The following SMG6 variants were observed in gnomAD, a reference collection of about 807,000 sequenced individuals.
SMG6 encodes the protein SMG6 nonsense mediated mRNA decay factor.
Under a neutral mutation model 142.2 loss-of-function variants are expected in SMG6, and 66 were observed. The ratio of observed to expected loss-of-function variants is 0.46; its 90% CI spans 0.38 to 0.57. The LOEUF is 0.57. Ranked by LOEUF, SMG6 falls within the 20% of genes least tolerant of loss-of-function variation. SMG6 has a pLI of 0.00. For missense variants in SMG6, 1,793 were observed against 1,832.0 expected (o/e 0.98, Z 0.39); for synonymous variants, 779 against 702.4 (o/e 1.11, Z -1.72).
intron 9 of SMG6, among the ~76,000 whole-genome samples, chr17:2,240,959 T>C (rs2073786938): frequency 6.6e-6 from 1 of 152,222 alleles, no homozygotes; most frequent in Non-Finnish European, 1.5e-5. Flanking sequence ...GGCTCATTGC[T>C]TTCCTAGTCT....
intron 13 of SMG6, among the ~76,000 whole-genome samples, chr17:2,098,795 T>A (rs985266530): frequency 1.3e-5 from 2 of 151,942 alleles, no homozygotes; most frequent in African/African-American, 2.4e-5. Context: ...CATGTCCAAC[T>A]AATTTTTGTA....
chr17:2,124,571 G>C (rs1474683747), intron 13 of SMG6, among the ~76,000 whole-genome samples: 2 of 152,094 alleles, frequency 1.3e-5, no homozygotes, highest in African/African-American at 4.8e-5. Context: ...CTTCTTCCTG[G>C]AGAGCTGTGT....
At chr17:2,211,684 G>C (rs1391057007) in intron 10 of SMG6, among the ~76,000 whole-genome samples, 1 of 126,278 alleles carries the variant, frequency 7.9e-6, no homozygotes, top group Non-Finnish European at 1.7e-5. Flanking sequence ...AAAAAAAAAA[G>C]GGCGTTCTTT....
intron 10 of SMG6, among the ~76,000 whole-genome samples, chr17:2,204,698 T>TC (rs1305629139): frequency 6.6e-6 from 1 of 152,198 alleles, no homozygotes; most frequent in Non-Finnish European, 1.5e-5. Context: ...GCATGGTGGC[T>TC]CACGCCTATA....
At chr17:2,166,719 A>G (rs546357466) in intron 13 of SMG6, among the ~76,000 whole-genome samples, 3 of 152,320 alleles carry the variant, frequency 2.0e-5, no homozygotes, top group Admixed American at 6.5e-5. Flanking sequence ...TTGACTTCCT[A>G]AAGTGCTGGG....
chr17:2,063,644 G>A (rs981040677), intron 18 of SMG6, among the ~76,000 whole-genome samples: 2 of 152,254 alleles, frequency 1.3e-5, no homozygotes, highest in African/African-American at 4.8e-5. Context: ...TTTCTCTCAG[G>A]AGGTACCCCT....
rs757700205 is a variant in SMG6 at position 2,188,316 on chromosome 17, C to G, written c.2986+83G>C. ...AATGGAGACTACAGGGAGAAGACACCGAGAAAACAGCATGGCACTGTGAGG... is the reference window on the plus strand; with the variant it reads ...AATGGAGACTACAGGGAGAAGACACGGAGAAAACAGCATGGCACTGTGAGG... On this transcript the variant is annotated intron_variant, in intron 11 of 18. Transcript: ENST00000263073. The G allele has an allele frequency of 1.4e-5, 16 of 1,131,568 alleles. No homozygotes were observed. The Admixed American group carries it at 3.0e-4, about 21-fold the overall frequency. The allele number at this position is 1,131,568 out of a possible 1,614,324, so 70.1% of individuals were successfully genotyped here.
intron 13 of SMG6, among the ~76,000 whole-genome samples, chr17:2,128,732 G>A (rs1285413679): frequency 6.7e-6 from 1 of 150,220 alleles, no homozygotes; most frequent in Non-Finnish European, 1.5e-5. Context: ...ACTGAGACAG[G>A]AGAATCACTT....
chr17:2,172,850 C>T lies in SMG6; in HGVS notation c.3165G>A (p.Val1055=). 1.2e-6 allele frequency: 2 copies of T among 1,614,094 alleles called. No individual in the cohort carries two copies. Among genetic ancestry groups the T allele is most frequent in the Non-Finnish European group, 1.7e-6 (2 of 1,179,994 alleles). Residue 1055 remains valine (V), a synonymous_variant, in exon 13 of 19, where the codon GTG becomes GTA. Transcript: ENST00000263073. ...AATCAGCCAGCGTCGACCATACATCCACAGCAACACTGTGAGAAATAAGGT... is the reference window on the plus strand; with the variant it reads ...AATCAGCCAGCGTCGACCATACATCTACAGCAACACTGTGAGAAATAAGGT... ...TSLDLPSHVA[V]DVWSTLADFC...
At chr17:2,148,187 T>A (rs964779797) in intron 13 of SMG6, among the ~76,000 whole-genome samples, 3 of 151,680 alleles carry the variant, frequency 2.0e-5, no homozygotes, top group Non-Finnish European at 4.4e-5. Flanking sequence ...TGAGACCCCA[T>A]CTCAAAAAAT....
chr17:2,226,334 A>T (rs1022481846), intron 10 of SMG6, among the ~76,000 whole-genome samples: 2 of 151,556 alleles, frequency 1.3e-5, no homozygotes, highest in Admixed American at 6.6e-5. Flanking sequence ...TAATCCCAGG[A>T]CTCTGGGAGG....
At chr17:2,159,033 A>G (rs958853098) in intron 13 of SMG6, among the ~76,000 whole-genome samples, 3 of 152,226 alleles carry the variant, frequency 2.0e-5, no homozygotes, top group African/African-American at 7.2e-5. Flanking sequence ...CAATGTTTAA[A>G]AATGGCCAAC....
At chr17:2,157,800 T>C (rs528475703) in intron 13 of SMG6, among the ~76,000 whole-genome samples, 2 of 152,292 alleles carry the variant, frequency 1.3e-5, no homozygotes, top group Admixed American at 1.3e-4. Flanking sequence ...AAAATTCTAG[T>C]ACTAAGCAAT....
chr17:2,139,566 C>T (rs145253304), intron 13 of SMG6, among the ~76,000 whole-genome samples: 93 of 151,954 alleles, frequency 6.1e-4, no homozygotes, highest in Non-Finnish European at 1.0e-3. Flanking sequence ...GGATCACAGG[C>T]GTGCGCCACC....
In SMG6 at chr17:2,072,285, C is replaced by G. The variant is rs113466317; in HGVS notation, c.3682-3354G>C. 4.5e-3 allele frequency among the ~76,000 whole-genome samples: 686 copies of G among 152,250 alleles called. 8 individuals carry two copies. The highest frequency in any genetic ancestry group is 0.016 in the African/African-American group (656 of 41,548). Reference sequence around the variant, plus strand: ...GGAGAGTTCCACAGGAACCTTCTAACAGCAGCTGAGGTTGGGCCACAGTGA... The same window carrying G: ...GGAGAGTTCCACAGGAACCTTCTAAGAGCAGCTGAGGTTGGGCCACAGTGA... On this transcript the variant is annotated intron_variant, in intron 15 of 18. Transcript: ENST00000263073.
intron 10 of SMG6, chr17:2,212,646 C>T (rs910927305): frequency 6.6e-6 from 1 of 152,284 alleles, no homozygotes; most frequent in African/African-American, 2.4e-5. Context: ...TTACATCAGG[C>T]ACCAACCCTT....
chr17:2,206,503 C>T (rs900979398), intron 10 of SMG6, among the ~76,000 whole-genome samples: 4 of 152,038 alleles, frequency 2.6e-5, no homozygotes, highest in African/African-American at 9.7e-5. Flanking sequence ...CACTTGAACC[C>T]AGGAGTTCAA....
At chr17:2,088,014 T>C in intron 13 of SMG6, 4 of 985,606 alleles carry the variant, frequency 4.1e-6, no homozygotes, top group Non-Finnish European at 4.8e-6. Flanking sequence ...CTGCTGCCAC[T>C]GAATGGAGAG....
intron 12 of SMG6, among the ~76,000 whole-genome samples, chr17:2,182,467 G>C (rs1271650151): frequency 2.0e-5 from 3 of 152,168 alleles, no homozygotes; most frequent in African/African-American, 7.2e-5. Flanking sequence ...GGGAGGGCAT[G>C]GGGAGACTGA....
Sources: allele counts gnomAD v4.1 joint callset (sites outside exome capture counted in the v4.1 genomes callset), GRCh38; gene constraint gnomAD v4.1.1; transcripts MANE v1.5; gene names NCBI Gene and HGNC (gene_info 2026-07-23, HGNC 2026-07-21).